Variants in RAB28 observed in about 807,000 individuals in gnomAD.
RAB28 encodes the protein RAB28, member RAS oncogene family.
RAB28 carries 24 observed loss-of-function variants against 31.7 expected under a neutral mutation model. The observed-to-expected ratio is 0.76, with a 90% CI of 0.55 to 1.06. RAB28 has a LOEUF of 1.06. RAB28 is among the 50% of genes least tolerant of loss of function. RAB28 has a pLI of 0.00. For missense variants in RAB28, 254 were observed against 258.5 expected, an observed-to-expected ratio of 0.98 and a Z score of 0.12; for synonymous variants, 100 against 90.4, an observed-to-expected ratio of 1.11 and a Z score of -0.60.
At chr4:13,478,512 G>A (rs1358623934) in intron 2 of RAB28, among the ~76,000 whole-genome samples, 9 of 151,486 alleles carry the variant, frequency 5.9e-5, no homozygotes, top group Admixed American at 5.9e-4. Context: ...GGGTGTCTGA[G>A]AGGTTAACAT....
At chr4:13,423,871 A>G (rs1397151928) in intron 4 of RAB28, among the ~76,000 whole-genome samples, 2 of 152,138 alleles carry the variant, frequency 1.3e-5, no homozygotes, top group African/African-American at 4.8e-5. Context: ...CTGGGGAGGG[A>G]AGGGGAGTTC....
intron 4 of RAB28, among the ~76,000 whole-genome samples, chr4:13,420,933 G>C (rs1713097278): frequency 6.6e-6 from 1 of 152,096 alleles, no homozygotes; most frequent in Admixed American, 6.5e-5. Flanking sequence ...AGAAATATAG[G>C]GTATTCAATT....
chr4:13,383,759 T>TC (rs947333818), intron 4 of RAB28, among the ~76,000 whole-genome samples: 1 of 152,202 alleles, frequency 6.6e-6, no homozygotes, highest in Non-Finnish European at 1.5e-5. Flanking sequence ...AAAGGGCAGT[T>TC]CCCCTGCACA....
intron 4 of RAB28, among the ~76,000 whole-genome samples, chr4:13,404,168 C>A (rs562394282): frequency 1.2e-4 from 18 of 152,174 alleles, no homozygotes; most frequent in African/African-American, 4.3e-4. Context: ...CACCTGAGGT[C>A]AGGAGTTTGA....
chr4:13,446,976 TA>T (rs1315641164), intron 4 of RAB28, among the ~76,000 whole-genome samples: 1 of 152,178 alleles, frequency 6.6e-6, no homozygotes, highest in East Asian at 1.9e-4. Flanking sequence ...CTCATCTCAG[TA>T]AATGCAACTT....
intron 4 of RAB28, among the ~76,000 whole-genome samples, chr4:13,414,152 G>A (rs1246274491): frequency 6.6e-6 from 1 of 152,138 alleles, no homozygotes; most frequent in Non-Finnish European, 1.5e-5. Flanking sequence ...GTTTCTAACA[G>A]TATTTATAGT....
At chr4:13,464,975 C>T (rs1715771863) in intron 3 of RAB28, among the ~76,000 whole-genome samples, 1 of 151,752 alleles carries the variant, frequency 6.6e-6, no homozygotes, top group Non-Finnish European at 1.5e-5. Context: ...ATAATAAAAA[C>T]AAAATGCTAG....
At chr4:13,478,323 A>T (rs1716457899) in intron 2 of RAB28, among the ~76,000 whole-genome samples, 1 of 151,632 alleles carries the variant, frequency 6.6e-6, no homozygotes, top group African/African-American at 2.4e-5. Flanking sequence ...GTAATGGAAA[A>T]ATTGGAATTC....
rs145417372 is a variant in RAB28 at position 13,454,956 on chromosome 4, C to T, written c.391+5743G>A. Among the ~76,000 whole-genome samples, 76 of 152,292 alleles carry T rather than the reference C, an allele frequency of 5.0e-4. 2 individuals carry two copies. The East Asian group carries it at 0.014, about 28-fold the overall frequency. On this transcript the variant is annotated intron_variant, in intron 4 of 6. Transcript: ENST00000330852. ...CACAGCTGCTCAGCTGGCCTAGGGGCATTTCTGCCAGAGGTGGCTTGCAGG... is the reference window on the plus strand; with the variant it reads ...CACAGCTGCTCAGCTGGCCTAGGGGTATTTCTGCCAGAGGTGGCTTGCAGG...
intron 1 of RAB28, among the ~76,000 whole-genome samples, chr4:13,481,125 T>C (rs1470904089): frequency 6.6e-6 from 1 of 152,036 alleles, no homozygotes; most frequent in Admixed American, 6.5e-5. Flanking sequence ...AATATTTTCA[T>C]GTTAAGGAAT....
At chr4:13,368,780 G>A in intron 6 of RAB28, 130 bp from the exon 7 acceptor site, 1 of 624,490 alleles carries the variant, frequency 1.6e-6, no homozygotes, top group Non-Finnish European at 2.4e-6. Flanking sequence ...AGCAGGAGTT[G>A]ATATTAAAAG....
chr4:13,391,551 C>CT (rs1179156291), intron 4 of RAB28, among the ~76,000 whole-genome samples: 1 of 152,214 alleles, frequency 6.6e-6, no homozygotes, highest in Non-Finnish European at 1.5e-5. Flanking sequence ...GATCCCACTA[C>CT]TGGCTATATA....
At chr4:13,371,453 A>C (rs1439982514) in intron 6 of RAB28, 1 of 985,350 alleles carries the variant, frequency 1.0e-6, no homozygotes, top group African/African-American at 1.7e-5. Context: ...CTTATCCTAT[A>C]AACACAACCA....
At chr4:13,416,364 C>G (rs914347648) in intron 4 of RAB28, among the ~76,000 whole-genome samples, 54 of 152,270 alleles carry the variant, frequency 3.5e-4, no homozygotes, top group African/African-American at 1.2e-3. Context: ...CCGAATATAT[C>G]CAAACATCAG....
At chr4:13,442,972 T>C (rs1472009021) in intron 4 of RAB28, among the ~76,000 whole-genome samples, 1 of 152,198 alleles carries the variant, frequency 6.6e-6, no homozygotes, top group African/African-American at 2.4e-5. Flanking sequence ...GTTAGAGATA[T>C]CAAAGTGGCA....
Position 13,396,984 on chromosome 4 carries a change from C to T in RAB28, c.392-15390G>A, listed in dbSNP as rs560375123. Among the ~76,000 whole-genome samples the T allele has an allele frequency of 2.6e-5, 4 of 152,130 alleles. No homozygotes were observed. In the East Asian group the frequency reaches 7.7e-4, roughly 29 times the overall value. On this transcript the variant is annotated intron_variant, in intron 4 of 6. Coordinates refer to ENST00000330852, the MANE Select transcript of RAB28 (RefSeq NM_001017979.3). ...TTGTTTTGTTACATGCAGCTAAAAA[C>T]AAAAACCAACAAATTAACAAAGCAC... is the stretch of plus-strand genomic sequence containing the variant.
chr4:13,381,611 G>A lies in RAB28; in HGVS notation c.392-17C>T. 3 of 1,568,684 alleles carry A rather than the reference G, an allele frequency of 1.9e-6. No homozygotes were observed. Among genetic ancestry groups the A allele is most frequent in the East Asian group, 2.2e-5 (1 of 44,462 alleles). On this transcript the variant is annotated splice_polypyrimidine_tract_variant and intron_variant, in intron 4 of 6. Coordinates refer to ENST00000330852, the MANE Select transcript of RAB28 (RefSeq NM_001017979.3). ...CCAAATCAACTAGAAAGGTGTTAAAGAAAGAAAATAATTCAATATTAGAGT... is the reference window on the plus strand; with the variant it reads ...CCAAATCAACTAGAAAGGTGTTAAAAAAAGAAAATAATTCAATATTAGAGT...
intron 4 of RAB28, among the ~76,000 whole-genome samples, chr4:13,408,290 T>C (rs573759649): frequency 6.6e-6 from 1 of 152,294 alleles, no homozygotes; most frequent in South Asian, 2.1e-4. Context: ...TTGTCATTGG[T>C]TCTGTTTATG....
chr4:13,389,904 T>C (rs1233868910), intron 4 of RAB28, among the ~76,000 whole-genome samples: 2 of 152,164 alleles, frequency 1.3e-5, no homozygotes, highest in African/African-American at 4.8e-5. Flanking sequence ...TGATGGAACG[T>C]ATCTCAAAAC....
Sources: allele counts gnomAD v4.1 joint callset (sites outside exome capture counted in the v4.1 genomes callset), GRCh38; gene constraint gnomAD v4.1.1; transcripts MANE v1.5; gene names NCBI Gene and HGNC (gene_info 2026-07-23, HGNC 2026-07-21).